MMP16: variants seen among roughly 807,000 people sequenced by gnomAD.
MMP16 encodes the protein matrix metalloproteinase-16.
MMP16 carries 12 observed loss-of-function variants against 67.8 expected under a neutral mutation model. That is an observed-to-expected ratio of 0.18 (90% CI 0.11 to 0.29). The LOEUF is 0.29. Among genes scored for constraint, MMP16 ranks in the 10% least tolerant of loss-of-function variants. MMP16 has a pLI of 1.00. For missense variants in MMP16, 475 were observed against 765.7 expected (o/e 0.62, Z 4.48); for synonymous variants, 249 against 255.9 (o/e 0.97, Z 0.26).
chr8:88,168,437 G>C (rs538672916), intron 3 of MMP16, among the ~76,000 whole-genome samples: 6 of 152,184 alleles, frequency 3.9e-5, no homozygotes, highest in African/African-American at 1.2e-4. Context: ...CAGATATATA[G>C]TTATTTCTTA....
chr8:88,147,000 A>G (rs555800105), intron 4 of MMP16, among the ~76,000 whole-genome samples: 9 of 152,168 alleles, frequency 5.9e-5, no homozygotes, highest in African/African-American at 2.2e-4. Context: ...ATAAATTATT[A>G]TAAACTACAG....
At chr8:88,132,393 G>A (rs1020257413) in intron 4 of MMP16, among the ~76,000 whole-genome samples, 1 of 151,874 alleles carries the variant, frequency 6.6e-6, no homozygotes, top group Non-Finnish European at 1.5e-5. Flanking sequence ...GTAGAAATAT[G>A]AGAGAAGTTT....
chr8:88,063,574 T>C (rs1025616747), intron 7 of MMP16, among the ~76,000 whole-genome samples: 2 of 151,470 alleles, frequency 1.3e-5, no homozygotes, highest in African/African-American at 2.4e-5. Context: ...CCACTGTTAA[T>C]GATAGGAGTG....
intron 6 of MMP16, among the ~76,000 whole-genome samples, chr8:88,082,699 C>T (rs1051304529): frequency 6.6e-6 from 1 of 151,862 alleles, no homozygotes; most frequent in African/African-American, 2.4e-5. Flanking sequence ...AAAGTAGTTA[C>T]TGAGTAATAA....
In MMP16 at chr8:88,074,629, C is replaced by T. The variant is rs866043551; in HGVS notation, c.1198G>A (p.Asp400Asn). The T allele has an allele frequency of 8.7e-6, 14 of 1,613,350 alleles. No homozygotes were observed. The highest frequency in any genetic ancestry group is 2.2e-5 in the East Asian group (1 of 44,786). The change falls in exon 7 of 10, where the codon GAC becomes AAC. Residue 400 changes from aspartate (D) to asparagine (N), a missense_variant. Coordinates refer to ENST00000286614, the MANE Select transcript of MMP16 (RefSeq NM_005941.5). ...PSIDAVYENS[D>N]GNFVFFKGNK... is the part of the protein sequence containing the mutation. ...CCTTTAAAGAACACAAAATTCCCGT[C>T]GCTATTTTCATAAACTGCATCGATA...
At chr8:88,110,329 A>G (rs1809313118) in intron 6 of MMP16, among the ~76,000 whole-genome samples, 1 of 151,706 alleles carries the variant, frequency 6.6e-6, no homozygotes, top group Non-Finnish European at 1.5e-5. Flanking sequence ...CATAATTGCA[A>G]TTACAAATAT....
At chr8:88,311,431 G>C (rs184092091) in intron 1 of MMP16, among the ~76,000 whole-genome samples, 2 of 152,128 alleles carry the variant, frequency 1.3e-5, no homozygotes, top group African/African-American at 4.8e-5. Context: ...GAGCCTTTGT[G>C]ATTTATAACA....
intron 3 of MMP16, 115 bp from the exon 4 acceptor site, chr8:88,168,088 T>G: frequency 1.4e-6 from 1 of 711,554 alleles, no homozygotes; most frequent in Admixed American, 3.0e-5. Flanking sequence ...TAAATAGGAA[T>G]AACACGTATT....
At chr8:88,101,089 G>A (rs913127369) in intron 6 of MMP16, among the ~76,000 whole-genome samples, 11 of 151,786 alleles carry the variant, frequency 7.2e-5, no homozygotes, top group African/African-American at 2.2e-4. Flanking sequence ...AAACCTGCAC[G>A]TTGTGCACAT....
At chr8:88,235,635 T>G (rs2337519) in intron 1 of MMP16, among the ~76,000 whole-genome samples, 2 of 151,870 alleles carry the variant, frequency 1.3e-5, no homozygotes, top group African/African-American at 4.8e-5. Context: ...CTTAGAAAAC[T>G]TGGCATGCTA....
rs1307011894 is a variant in MMP16 at position 88,258,868 on chromosome 8, T to C, written c.133-61562A>G. The stretch of plus-strand genomic sequence containing the variant: ...ACTGAAATTAAGTCAAAATATTTGG[T>C]TGAGTTCTATTTAACATATCTTAAG... On this transcript the variant is annotated intron_variant, in intron 1 of 9. Coordinates refer to ENST00000286614, the MANE Select transcript of MMP16 (RefSeq NM_005941.5). Among the ~76,000 whole-genome samples, 6 of 152,218 alleles carry C rather than the reference T, an allele frequency of 3.9e-5. No homozygotes were observed. In the South Asian group the frequency reaches 8.3e-4, roughly 21 times the overall value.
chr8:88,090,963 G>T (rs1808923346), intron 6 of MMP16, among the ~76,000 whole-genome samples: 1 of 151,792 alleles, frequency 6.6e-6, no homozygotes, highest in South Asian at 2.1e-4. Flanking sequence ...AATCCTGGAA[G>T]GGGGAAAGTC....
chr8:88,171,850 G>A (rs1377644029), intron 3 of MMP16, among the ~76,000 whole-genome samples: 10 of 147,652 alleles, frequency 6.8e-5, no homozygotes, highest in Non-Finnish European at 1.3e-4. Context: ...TTTTTGAGAC[G>A]GAGTCTCATT....
rs574603335 is a variant in MMP16, at chr8:88,104,867, GA to G, written c.1083+11639del. On this transcript the variant is annotated intron_variant, in intron 6 of 9. Transcript: ENST00000286614. Reference sequence around the variant, plus strand: ...GTTTTTTAACAAAACAGTTTAAAAAGAAAAAAAAAATCCAAAAAACACAAAA... The same window carrying G: ...GTTTTTTAACAAAACAGTTTAAAAAGAAAAAAAAATCCAAAAAACACAAAA... 9.1e-3 allele frequency among the ~76,000 whole-genome samples: 1,278 copies of G among 140,840 alleles called. 20 individuals are homozygous for G. The highest frequency in any genetic ancestry group is 0.07 in the Middle Eastern group (20 of 284). The allele number at this position is 140,840 out of a possible 152,430, so 92.4% of individuals were successfully genotyped here.
intron 1 of MMP16, among the ~76,000 whole-genome samples, chr8:88,264,782 C>T (rs1383051105): frequency 6.6e-6 from 1 of 152,196 alleles, no homozygotes; most frequent in East Asian, 1.9e-4. Context: ...ATGTGCTGTC[C>T]ATGTGTGATA....
chr8:88,201,458 G>A (rs1809344333), intron 1 of MMP16, among the ~76,000 whole-genome samples: 1 of 151,984 alleles, frequency 6.6e-6, no homozygotes, highest in African/African-American at 2.4e-5. Flanking sequence ...ATAGAAAAGT[G>A]CAAAGGTGAT....
At chr8:88,193,303 C>G (rs534484793) in intron 2 of MMP16, among the ~76,000 whole-genome samples, 1 of 152,122 alleles carries the variant, frequency 6.6e-6, no homozygotes, top group Non-Finnish European at 1.5e-5. Context: ...AGGTCAGGCA[C>G]AAAAAGACAA....
At chr8:88,285,673 CT>C (rs1198790917) in intron 1 of MMP16, among the ~76,000 whole-genome samples, 1 of 152,096 alleles carries the variant, frequency 6.6e-6, no homozygotes, top group Non-Finnish European at 1.5e-5. Context: ...TATTTCACCC[CT>C]CCCCCTCAAC....
rs530688694 is a variant in MMP16 at position 88,130,152 on chromosome 8, G to A, written c.710-11291C>T. Among the ~76,000 whole-genome samples the A allele has an allele frequency of 2.0e-5, 3 of 151,788 alleles. No homozygotes were observed. The East Asian group carries it at 5.8e-4, about 30-fold the overall frequency. On this transcript the variant is annotated intron_variant, in intron 4 of 9. Coordinates refer to ENST00000286614, the MANE Select transcript of MMP16 (RefSeq NM_005941.5). ...GCTTGATAAATTATCCTTAATGTAT[G>A]AATTTAAAAAATAATATGCAAAATC...
Sources: allele counts gnomAD v4.1 joint callset (sites outside exome capture counted in the v4.1 genomes callset), GRCh38; gene constraint gnomAD v4.1.1; transcripts MANE v1.5; gene names NCBI Gene and HGNC (gene_info 2026-07-23, HGNC 2026-07-21).